Variants in EPC2 observed in about 807,000 individuals in gnomAD.
EPC2 encodes the protein enhancer of polycomb homolog 2.
A neutral mutation model predicts 92.1 loss-of-function variants in EPC2; 14 were observed. The observed-to-expected ratio is 0.15, with a 90% CI of 0.10 to 0.24. EPC2 has a LOEUF of 0.24. Ranked by LOEUF, EPC2 falls within the 10% of genes least tolerant of loss-of-function variation. The pLI, the probability that EPC2 is intolerant of heterozygous loss-of-function variation, is 1.00. For missense variants in EPC2, 755 were observed against 971.5 expected (o/e 0.78, Z 2.96); for synonymous variants, 340 against 334.7 (o/e 1.02, Z -0.17).
intron 1 of EPC2, among the ~76,000 whole-genome samples, chr2:148,674,374 G>A (rs908143611): frequency 2.0e-5 from 3 of 151,296 alleles, no homozygotes; most frequent in African/African-American, 7.4e-5. Flanking sequence ...AAGTCAGGAA[G>A]ACAGAATTAG....
intron 2 of EPC2, among the ~76,000 whole-genome samples, chr2:148,737,974 G>A (rs1232420849): frequency 6.6e-6 from 1 of 152,172 alleles, no homozygotes; most frequent in Non-Finnish European, 1.5e-5. Context: ...GGGGTTGGGA[G>A]TGGGTCCTGC....
At chr2:148,650,693 T>A (rs1680664833) in intron 1 of EPC2, among the ~76,000 whole-genome samples, 4 of 152,196 alleles carry the variant, frequency 2.6e-5, no homozygotes, top group Admixed American at 2.6e-4. Flanking sequence ...TCCTGATTGA[T>A]ACCTTTTCAG....
intron 2 of EPC2, among the ~76,000 whole-genome samples, chr2:148,732,115 T>C (rs1200868781): frequency 6.6e-6 from 1 of 152,192 alleles, no homozygotes; most frequent in Non-Finnish European, 1.5e-5. Context: ...TGGTTTTTCC[T>C]CACCAAGGGG....
At chr2:148,783,555 C>A in intron 11 of EPC2, 42 bp from the exon 12 acceptor site, 1 of 1,551,052 alleles carries the variant, frequency 6.4e-7, no homozygotes, top group Non-Finnish European at 8.8e-7. Context: ...TTCATAAAAT[C>A]ACATCTAAAA....
At chr2:148,785,642 G>A (rs965416120) in intron 13 of EPC2, among the ~76,000 whole-genome samples, 7 of 152,230 alleles carry the variant, frequency 4.6e-5, no homozygotes, top group Middle Eastern at 3.4e-3. Context: ...TATAGTTTAG[G>A]CAGTCTGGAA....
chr2:148,742,784 C>CAAAAAAAAA (rs5835210), intron 2 of EPC2, among the ~76,000 whole-genome samples: 2 of 135,104 alleles, frequency 1.5e-5, no homozygotes, highest in Non-Finnish European at 1.5e-5. Flanking sequence ...GACCTTGCCT[C>CAAAAAAAAA]AAAAAAAAAA....
At position 148,713,630 on chromosome 2, in the gene EPC2, A is replaced by G. The variant is rs543312783; in HGVS notation, c.313+23257A>G. Among the ~76,000 whole-genome samples the G allele has an allele frequency of 2.6e-4, 39 of 152,258 alleles. 1 individual carries two copies. In the South Asian group the frequency reaches 6.4e-3, roughly 25 times the overall value. ...TAGACAACTTGCCATCCTATAAGCT[A>G]TATTTATGATGTGCCCTATACAGTA... On this transcript the variant is annotated intron_variant, in intron 2 of 13. Coordinates refer to ENST00000258484, the MANE Select transcript of EPC2 (RefSeq NM_015630.4).
chr2:148,760,307 C>T lies in EPC2; in HGVS notation c.667-1475C>T, dbSNP rs189225287. 7.9e-5 allele frequency among the ~76,000 whole-genome samples: 12 copies of T among 152,194 alleles called. No homozygotes were observed. The East Asian group carries it at 2.3e-3, about 29-fold the overall frequency. On this transcript the variant is annotated intron_variant, in intron 4 of 13. Transcript: ENST00000258484. ...AAAGCAAAACAAGATATGAATAAGA[C>T]AGGGTAGAACCTCCAAGAGGAACAC...
At position 148,737,368 on chromosome 2, in the gene EPC2, G is replaced by T. The variant is rs184767102; in HGVS notation, c.314-6254G>T. ...ATCTATAAAATTAAATATATTCAAA[G>T]AGGTCTAGTTATTACCTCTATCCCT... On this transcript the variant is annotated intron_variant, in intron 2 of 13. Coordinates refer to ENST00000258484, the MANE Select transcript of EPC2 (RefSeq NM_015630.4). 2.7e-4 allele frequency among the ~76,000 whole-genome samples: 41 copies of T among 152,136 alleles called. No individual in the cohort carries two copies. In the East Asian group the frequency reaches 7.9e-3, roughly 29 times the overall value.
At chr2:148,649,125 A>T (rs960536088) in intron 1 of EPC2, among the ~76,000 whole-genome samples, 1 of 152,204 alleles carries the variant, frequency 6.6e-6, no homozygotes, top group Non-Finnish European at 1.5e-5. Context: ...TTTACTGAAT[A>T]CTTCATATAT....
At chr2:148,675,392 C>T (rs1681242884) in intron 1 of EPC2, among the ~76,000 whole-genome samples, 1 of 152,082 alleles carries the variant, frequency 6.6e-6, no homozygotes, top group Non-Finnish European at 1.5e-5. Flanking sequence ...TTTTTCTCCC[C>T]TCCCCAGAGT....
At chr2:148,665,944 CAAT>C (rs1278709096) in intron 1 of EPC2, among the ~76,000 whole-genome samples, 1 of 152,096 alleles carries the variant, frequency 6.6e-6, no homozygotes, top group African/African-American at 2.4e-5. Flanking sequence ...AAACAAACAT[CAAT>C]AATGCGACTG....
chr2:148,727,887 G>C (rs1473409444), intron 2 of EPC2, among the ~76,000 whole-genome samples: 1 of 152,134 alleles, frequency 6.6e-6, no homozygotes, highest in Admixed American at 6.5e-5. Context: ...ACTCACTTCT[G>C]TACACTCTCC....
chr2:148,750,425 T>TA (rs1683064016), intron 3 of EPC2, among the ~76,000 whole-genome samples: 2 of 152,084 alleles, frequency 1.3e-5, no homozygotes, highest in Admixed American at 6.5e-5. Flanking sequence ...TTTGGGCACT[T>TA]ACCCAAAGAC....
chr2:148,775,117 A>T (rs1465360203), intron 10 of EPC2, among the ~76,000 whole-genome samples: 2 of 151,906 alleles, frequency 1.3e-5, no homozygotes, highest in Non-Finnish European at 2.9e-5. Context: ...AAAGAAAAAG[A>T]AAACCACTTC....
At chr2:148,686,706 TTCA>T (rs1681533553) in intron 1 of EPC2, among the ~76,000 whole-genome samples, 2 of 152,252 alleles carry the variant, frequency 1.3e-5, no homozygotes, top group Admixed American at 1.3e-4. Context: ...AATCTCCTTG[TTCA>T]TCGCCATCAG....
intron 3 of EPC2, among the ~76,000 whole-genome samples, chr2:148,747,878 A>C (rs1296136904): frequency 6.6e-6 from 1 of 151,952 alleles, no homozygotes; most frequent in African/African-American, 2.4e-5. Flanking sequence ...TTCTAGTGGA[A>C]CCTTTCCACC....
chr2:148,686,561 A>G (rs1249208225), intron 1 of EPC2, among the ~76,000 whole-genome samples: 1 of 152,238 alleles, frequency 6.6e-6, no homozygotes, highest in Non-Finnish European at 1.5e-5. Context: ...TACTTTGCTC[A>G]GATCCATCAG....
At chr2:148,682,094 G>A (rs1681410145) in intron 1 of EPC2, among the ~76,000 whole-genome samples, 1 of 152,148 alleles carries the variant, frequency 6.6e-6, no homozygotes, top group African/African-American at 2.4e-5. Flanking sequence ...GTGTATATGT[G>A]CCACATTTTC....
Sources: gnomAD v4.1 joint callset for allele counts (sites outside exome capture counted in the v4.1 genomes callset) on GRCh38, gnomAD v4.1.1 for gene constraint, MANE v1.5 for transcripts, NCBI Gene and HGNC (gene_info 2026-07-23, HGNC 2026-07-21) for gene names.